Variants in RAD18 observed in about 807,000 individuals in gnomAD.
RAD18 encodes the protein RAD18 E3 ubiquitin protein ligase.
RAD18 carries 47 observed loss-of-function variants against 60.4 expected under a neutral mutation model. The ratio of observed to expected loss-of-function variants is 0.78; its 90% CI spans 0.62 to 0.99. The LOEUF is 0.99. Among genes scored for constraint, RAD18 ranks in the 50% least tolerant of loss-of-function variants. The pLI is 0.00. For missense variants in RAD18, 640 were observed against 593.3 expected (o/e 1.08, Z -0.82); for synonymous variants, 225 against 195.5 (o/e 1.15, Z -1.26).
At chr3:8,952,101 G>A (rs1323816149) in intron 2 of RAD18, among the ~76,000 whole-genome samples, 1 of 152,152 alleles carries the variant, frequency 6.6e-6, no homozygotes, top group Non-Finnish European at 1.5e-5. Context: ...GGACTTTAGG[G>A]GGGATAAAAT....
At chr3:8,930,006 T>C (rs1428761276) in intron 7 of RAD18, among the ~76,000 whole-genome samples, 2 of 152,188 alleles carry the variant, frequency 1.3e-5, no homozygotes, top group African/African-American at 4.8e-5. Context: ...CTTTGGACAA[T>C]AGTCTAGCAA....
At chr3:8,911,903 A>C (rs1392664349) in intron 9 of RAD18, among the ~76,000 whole-genome samples, 2 of 152,216 alleles carry the variant, frequency 1.3e-5, no homozygotes, top group African/African-American at 2.4e-5. Flanking sequence ...GTTGCTAACA[A>C]GCAATAAAAT....
intron 9 of RAD18, among the ~76,000 whole-genome samples, chr3:8,910,339 G>A (rs1006245898): frequency 1.3e-5 from 2 of 152,308 alleles, no homozygotes; most frequent in African/African-American, 4.8e-5. Context: ...AGTGGCTCAC[G>A]CCTGTAATCC....
chr3:8,959,691 C>T (rs990364243), intron 1 of RAD18, among the ~76,000 whole-genome samples: 3 of 152,154 alleles, frequency 2.0e-5, no homozygotes, highest in Non-Finnish European at 4.4e-5. Context: ...CAAACAGGAA[C>T]GGAACTACTC....
chr3:8,931,113 T>C (rs558113239), intron 7 of RAD18, among the ~76,000 whole-genome samples: 2 of 152,184 alleles, frequency 1.3e-5, no homozygotes, highest in South Asian at 2.1e-4. Context: ...ATTGTGTATA[T>C]AAAAATCCTA....
chr3:8,884,065 T>G (rs1939515831), intron 12 of RAD18, among the ~76,000 whole-genome samples: 2 of 152,048 alleles, frequency 1.3e-5, no homozygotes, highest in South Asian at 4.1e-4. Context: ...AAGTAAAAAT[T>G]CTCTGGGAAT....
chr3:8,931,121 C>T (rs1023449403), intron 7 of RAD18, among the ~76,000 whole-genome samples: 15 of 151,766 alleles, frequency 9.9e-5, no homozygotes, highest in African/African-American at 3.4e-4. Context: ...TATAAAAATC[C>T]TATGAAATCT....
At chr3:8,919,208 C>G (rs971216277) in intron 7 of RAD18, among the ~76,000 whole-genome samples, 2 of 152,148 alleles carry the variant, frequency 1.3e-5, no homozygotes, top group African/African-American at 4.8e-5. Flanking sequence ...GAACCACAGC[C>G]TACAAAAATA....
In RAD18 at chr3:8,879,612, C is replaced by T. The variant is rs1225048310; in HGVS notation, c.*1745G>A. On this transcript the variant is annotated 3_prime_UTR_variant, in exon 13 of 13. Coordinates refer to ENST00000264926, the MANE Select transcript of RAD18 (RefSeq NM_020165.4). ...TTTAGCCTCATCCCTGGCCTCCACC[C>T]ATTGATACTGGTAGTACCCCTCACC... 1.3e-5 allele frequency: 2 copies of T among 152,246 alleles called. No individual in the cohort carries two copies. Among genetic ancestry groups the T allele is most frequent in the African/African-American group, 4.8e-5 (2 of 41,408 alleles). The allele number at this position is 152,246 out of a possible 1,614,324, so 9.4% of individuals were successfully genotyped here.
At position 8,937,633 on chromosome 3, in the gene RAD18, A is replaced by G. The variant is rs190611554; in HGVS notation, c.705-1578T>C. 5.6e-4 allele frequency among the ~76,000 whole-genome samples: 86 copies of G among 152,298 alleles called. No individual in the cohort carries two copies. The South Asian group carries it at 6.6e-3, about 12-fold the overall frequency. ...CGTGGCCAAGATACAACTAAAGAAG[A>G]ACATGGCCCAGTGTTGTCTTCAGAA... On this transcript the variant is annotated intron_variant, in intron 6 of 12. Coordinates refer to ENST00000264926, the MANE Select transcript of RAD18 (RefSeq NM_020165.4).
chr3:8,931,421 T>A (rs895789226), intron 7 of RAD18: 1 of 152,234 alleles, frequency 6.6e-6, no homozygotes, highest in Non-Finnish European at 1.5e-5. Flanking sequence ...TAAGATATCA[T>A]TTCTAAGCTG....
intron 4 of RAD18, among the ~76,000 whole-genome samples, chr3:8,943,504 GCA>G (rs1220140461): frequency 6.6e-6 from 1 of 151,798 alleles, no homozygotes; most frequent in African/African-American, 2.4e-5. Flanking sequence ...TCCAAACCAA[GCA>G]CAGAGAGAAA....
chr3:8,919,075 C>G (rs1045202968), intron 7 of RAD18, among the ~76,000 whole-genome samples: 2 of 152,132 alleles, frequency 1.3e-5, no homozygotes, highest in African/African-American at 4.8e-5. Flanking sequence ...ATTAATATGC[C>G]AAAAGGTTTG....
At chr3:8,947,110 C>T (rs1940850515) in intron 4 of RAD18, 110 bp downstream of exon 4, 2 of 803,336 alleles carry the variant, frequency 2.5e-6, no homozygotes, top group African/African-American at 1.8e-5. Context: ...CCTTCTTTGA[C>T]TATAAAATAT....
chr3:8,962,996 T>G (rs1284301868), intron 1 of RAD18, among the ~76,000 whole-genome samples: 2 of 152,256 alleles, frequency 1.3e-5, no homozygotes, highest in African/African-American at 2.4e-5. Flanking sequence ...CACTGTTTAG[T>G]GCTTGACACA....
At position 8,959,021 on chromosome 3, in the gene RAD18, A is replaced by G. The variant is rs751764386; in HGVS notation, c.52-20T>C. The G allele has an allele frequency of 1.9e-6, 3 of 1,598,056 alleles. No homozygotes were observed. The highest frequency in any genetic ancestry group is 8.6e-7 in the Non-Finnish European group (1 of 1,165,894). The stretch of plus-strand genomic sequence containing the variant: ...TATTGTCTGAAATGCAAATATGCAT[A>G]TATACATATCAGAAAGACATCAAAA... On this transcript the variant is annotated intron_variant, in intron 1 of 12. Coordinates refer to ENST00000264926, the MANE Select transcript of RAD18 (RefSeq NM_020165.4).
intron 11 of RAD18, among the ~76,000 whole-genome samples, chr3:8,892,811 T>TA (rs1939716091): frequency 6.6e-6 from 1 of 152,154 alleles, no homozygotes; most frequent in Admixed American, 6.5e-5. Context: ...TAATGTTAGT[T>TA]AGAGAAAAAA....
At chr3:8,906,826 A>T (rs886352430) in intron 9 of RAD18, among the ~76,000 whole-genome samples, 13 of 143,720 alleles carry the variant, frequency 9.0e-5, no homozygotes, top group Non-Finnish European at 1.7e-4. Context: ...TATGTTATTT[A>T]TGCTAACATG....
intron 7 of RAD18, among the ~76,000 whole-genome samples, chr3:8,924,976 C>T (rs1403699699): frequency 6.6e-6 from 1 of 152,118 alleles, no homozygotes; most frequent in South Asian, 2.1e-4. Context: ...CTAAAATTGA[C>T]ATCCTAACAT....
Sources: allele counts gnomAD v4.1 joint callset (sites outside exome capture counted in the v4.1 genomes callset), GRCh38; gene constraint gnomAD v4.1.1; transcripts MANE v1.5; gene names NCBI Gene and HGNC (gene_info 2026-07-23, HGNC 2026-07-21).